Variants in SHROOM3 observed in about 807,000 individuals in gnomAD.
The protein encoded by SHROOM3 is protein Shroom3.
SHROOM3 carries 47 observed loss-of-function variants against 138.6 expected under a neutral mutation model. The ratio of observed to expected loss-of-function variants is 0.34; its 90% confidence interval spans 0.27 to 0.43. SHROOM3 has a LOEUF of 0.43. Ranked by LOEUF, SHROOM3 falls within the 20% of genes least tolerant of loss-of-function variation. The pLI is 1.00. For synonymous variants in SHROOM3, 1,062 were observed against 1,063.3 expected (o/e 1.00, Z 0.02); for missense variants, 2,491 against 2,596.5 (o/e 0.96, Z 0.88).
At chr4:76,696,709 T>A (rs535915966) in intron 2 of SHROOM3, among the ~76,000 whole-genome samples, 16 of 152,114 alleles carry the variant, frequency 1.1e-4, no homozygotes, top group Admixed American at 3.3e-4. Context: ...ATGACTCACT[T>A]CTCTACCTGC....
chr4:76,539,687 T>G lies in SHROOM3; in HGVS notation c.169-15922T>G, dbSNP rs140412486. 5.3e-3 allele frequency among the ~76,000 whole-genome samples: 801 copies of G among 152,298 alleles called. 9 individuals are homozygous for G. The highest frequency in any genetic ancestry group is 0.018 in the African/African-American group (748 of 41,558). ...GGGAAACAGGCACAGAGAGGTCAAA[T>G]AATGTGTTGAAGGTCACATAACTTC... On this transcript the variant is annotated intron_variant, in intron 1 of 10. Transcript: ENST00000296043.
At chr4:76,566,500 A>AT (rs1351881328) in intron 2 of SHROOM3, among the ~76,000 whole-genome samples, 5 of 152,168 alleles carry the variant, frequency 3.3e-5, no homozygotes, top group African/African-American at 9.7e-5. Context: ...AGGGGTAGAG[A>AT]AATGGTTTCC....
intron 2 of SHROOM3, among the ~76,000 whole-genome samples, chr4:76,620,901 A>ATG: frequency 6.6e-6 from 1 of 151,846 alleles, no homozygotes; most frequent in East Asian, 1.9e-4. Flanking sequence ...CCAGAAGCAG[A>ATG]TGAAAGGATG....
intron 2 of SHROOM3, among the ~76,000 whole-genome samples, chr4:76,681,594 G>GGTGTGT (rs558707266): frequency 0.14 from 11,570 of 80,970 alleles, 1,127 homozygotes; most frequent in Middle Eastern, 0.21. Context: ...CAGAGTCTAG[G>GGTGTGT]GTGTGTGTGT....
At chr4:76,517,946 T>C (rs1056684676) in intron 1 of SHROOM3, among the ~76,000 whole-genome samples, 2 of 152,220 alleles carry the variant, frequency 1.3e-5, no homozygotes, top group Non-Finnish European at 2.9e-5. Context: ...AAGAGGAACA[T>C]GAAGACTTTT....
chr4:76,454,249 G>A (rs567685805), intron 1 of SHROOM3, among the ~76,000 whole-genome samples: 44 of 152,192 alleles, frequency 2.9e-4, no homozygotes, highest in Admixed American at 2.7e-3. Flanking sequence ...TCACCATATT[G>A]GCCACGCTGG....
At chr4:76,748,869 A>T (rs1379338693) in intron 5 of SHROOM3, 148 bp from the exon 6 acceptor site, 2 of 608,522 alleles carry the variant, frequency 3.3e-6, no homozygotes, top group Admixed American at 2.1e-5. Context: ...CATCGATGCC[A>T]TGGGATTATG....
chr4:76,709,745 G>T, intron 2 of SHROOM3: 1 of 274,180 alleles, frequency 3.6e-6, no homozygotes, highest in Admixed American at 5.1e-5. Flanking sequence ...CTTGAGAAGT[G>T]AGGTGGCAGA....
At chr4:76,458,627 TC>T (rs1269346896) in intron 1 of SHROOM3, among the ~76,000 whole-genome samples, 1 of 152,140 alleles carries the variant, frequency 6.6e-6, no homozygotes, top group Non-Finnish European at 1.5e-5. Flanking sequence ...TTTTATTTTT[TC>T]CCCCTTCCCA....
chr4:76,718,269 G>A (rs1001047306), intron 3 of SHROOM3, among the ~76,000 whole-genome samples: 1 of 152,120 alleles, frequency 6.6e-6, no homozygotes, highest in Non-Finnish European at 1.5e-5. Flanking sequence ...ACGTTCTTTT[G>A]ATTTTTATTC....
At chr4:76,547,397 T>TG (rs1032971461) in intron 1 of SHROOM3, among the ~76,000 whole-genome samples, 32 of 152,322 alleles carry the variant, frequency 2.1e-4, no homozygotes, top group African/African-American at 7.5e-4. Context: ...ATAACCTTAT[T>TG]GTGTTGTTGT....
chr4:76,485,375 G>A (rs879776271), intron 1 of SHROOM3, among the ~76,000 whole-genome samples: 9 of 152,222 alleles, frequency 5.9e-5, no homozygotes, highest in Non-Finnish European at 1.0e-4. Context: ...ATTTGTGAGA[G>A]AAGAGTTATA....
chr4:76,441,567 T>C (rs1203166462), intron 1 of SHROOM3, among the ~76,000 whole-genome samples: 1 of 152,224 alleles, frequency 6.6e-6, no homozygotes, highest in Non-Finnish European at 1.5e-5. Flanking sequence ...CTTTTTCCTT[T>C]AACATCCTTT....
intron 1 of SHROOM3, among the ~76,000 whole-genome samples, chr4:76,549,375 C>CT (rs202223099): frequency 5.8e-4 from 84 of 145,792 alleles, no homozygotes; most frequent in East Asian, 1.2e-3. Context: ...ACTTTCTTTC[C>CT]TTTTTTTTTT....
At chr4:76,476,550 G>A (rs1731489194) in intron 1 of SHROOM3, among the ~76,000 whole-genome samples, 1 of 152,144 alleles carries the variant, frequency 6.6e-6, no homozygotes, top group Non-Finnish European at 1.5e-5. Context: ...CTGTCCCTTG[G>A]TTAAAGAAGA....
At chr4:76,704,782 T>C (rs917479024) in intron 2 of SHROOM3, among the ~76,000 whole-genome samples, 3 of 151,952 alleles carry the variant, frequency 2.0e-5, no homozygotes, top group Non-Finnish European at 4.4e-5. Context: ...AGACACTGGA[T>C]TGGAGGGGAC....
At chr4:76,599,039 C>G (rs1317121328) in intron 2 of SHROOM3, among the ~76,000 whole-genome samples, 1 of 152,068 alleles carries the variant, frequency 6.6e-6, no homozygotes, top group Admixed American at 6.5e-5. Flanking sequence ...AGCAGGTAGA[C>G]TTGGTGACGG....
intron 1 of SHROOM3, among the ~76,000 whole-genome samples, chr4:76,445,304 A>G (rs1730783084): frequency 6.6e-6 from 1 of 152,032 alleles, no homozygotes; most frequent in Non-Finnish European, 1.5e-5. Context: ...GCCATCATAG[A>G]GCTTATATTC....
intron 2 of SHROOM3, among the ~76,000 whole-genome samples, chr4:76,622,191 C>T (rs1735021600): frequency 6.6e-6 from 1 of 151,950 alleles, no homozygotes; most frequent in South Asian, 2.1e-4. Context: ...TAGGGGCACT[C>T]CTATGCTTGA....
Sources: allele counts gnomAD v4.1 joint callset (sites outside exome capture counted in the v4.1 genomes callset), GRCh38; gene constraint gnomAD v4.1.1; transcripts MANE v1.5; gene names NCBI Gene and HGNC (gene_info 2026-07-23, HGNC 2026-07-21).